Variants in KIAA1217 observed in about 807,000 individuals in gnomAD.
KIAA1217 encodes the protein sickle tail protein homolog.
In KIAA1217, 88 loss-of-function variants were observed where a neutral mutation model predicts 163.9. The ratio of observed to expected loss-of-function variants is 0.54; its 90% confidence interval spans 0.45 to 0.64. The LOEUF (loss-of-function observed/expected upper bound fraction) is 0.64. Among genes scored for constraint, KIAA1217 ranks in the 30% least tolerant of loss-of-function variants. The pLI, the probability that KIAA1217 is intolerant of heterozygous loss-of-function variation, is 0.00. For synonymous variants in KIAA1217, 903 were observed against 923.1 expected, an observed-to-expected ratio of 0.98 and a Z score of 0.39; for missense variants, 2,372 against 2,475.0, an observed-to-expected ratio of 0.96 and a Z score of 0.88.
Position 24,153,300 on chromosome 10 carries a change from A to G in KIAA1217, c.-170-66326A>G, listed in dbSNP as rs536857050. On this transcript the variant is annotated intron_variant, in intron 2 of 18. Coordinates refer to the KIAA1217 transcript ENST00000376462. ...AGGGTTAGTTTATACTTTTGAGGGT[A>G]AGAACACCACTTGTGGTTATGTCTG... Among the ~76,000 whole-genome samples the G allele has an allele frequency of 9.2e-5, 14 of 152,342 alleles. No individual in the cohort carries two copies. In the South Asian group the frequency reaches 2.7e-3, roughly 29 times the overall value.
At position 24,543,809 on chromosome 10, in the gene KIAA1217, C is replaced by G; in HGVS notation, c.4539C>G (p.Thr1513=). The G allele has an allele frequency of 6.2e-7, 1 of 1,613,834 alleles. No individual in the cohort carries two copies. ...HKKVAPGNLR[T]GQQVETKSQP... is the part of the protein sequence containing the mutation. ...AGGTGGCCCCAGGCAATCTTAGAAC[C>G]GGACAACAGGTGGAAACAAAGTCAC... The change falls in exon 19 of 21, where the codon ACC becomes ACG. Residue 1513 remains threonine (T), a synonymous_variant. Coordinates refer to ENST00000376454, the MANE Select transcript of KIAA1217 (RefSeq NM_019590.5).
rs542750812 is a variant in KIAA1217 at position 23,969,603 on chromosome 10, T to C, written c.-320-37622T>C. Among the ~76,000 whole-genome samples, 7 of 152,350 alleles carry C rather than the reference T, an allele frequency of 4.6e-5. No individual in the cohort carries two copies. In the South Asian group the frequency reaches 1.4e-3, roughly 32 times the overall value. On this transcript the variant is annotated intron_variant, in intron 1 of 18. Coordinates refer to the KIAA1217 transcript ENST00000376462. ...TTCTTTGGAGAAACGTCTATTCAGA[T>C]CTTTTGCTCATTTTTAATTGGTTAT...
At chr10:24,314,507 G>C (rs929322390) in intron 2 of KIAA1217, among the ~76,000 whole-genome samples, 1 of 152,124 alleles carries the variant, frequency 6.6e-6, no homozygotes, top group South Asian at 2.1e-4. Context: ...ATGTGCTCAC[G>C]CATGTTATAA....
intron 2 of KIAA1217, among the ~76,000 whole-genome samples, chr10:24,116,575 G>A (rs1415807003): frequency 2.6e-5 from 4 of 152,096 alleles, no homozygotes; most frequent in African/African-American, 9.7e-5. Context: ...TATAGGCAAT[G>A]GGCCTAATTT....
At chr10:24,162,948 T>G (rs907003553) in intron 2 of KIAA1217, among the ~76,000 whole-genome samples, 6 of 152,126 alleles carry the variant, frequency 3.9e-5, no homozygotes, top group African/African-American at 1.4e-4. Context: ...GAGGACATGA[T>G]CCAAGAGAAA....
chr10:23,912,467 T>C (rs1023370700), intron 1 of KIAA1217, among the ~76,000 whole-genome samples: 3 of 152,232 alleles, frequency 2.0e-5, no homozygotes. Context: ...GAGGTACTTT[T>C]TCAACCCTCA....
chr10:24,100,672 T>A (rs2062376709), intron 2 of KIAA1217, among the ~76,000 whole-genome samples: 1 of 152,224 alleles, frequency 6.6e-6, no homozygotes, highest in East Asian at 1.9e-4. Flanking sequence ...CAATAAATAT[T>A]ATCAACTTTT....
At chr10:23,927,112 G>T (rs1305177106) in intron 1 of KIAA1217, among the ~76,000 whole-genome samples, 1 of 151,904 alleles carries the variant, frequency 6.6e-6, no homozygotes, top group East Asian at 1.9e-4. Context: ...TTCTGATGTT[G>T]TCCAGGCTGA....
At chr10:23,782,100 G>A (rs1221130951) in intron 1 of KIAA1217, among the ~76,000 whole-genome samples, 1 of 151,956 alleles carries the variant, frequency 6.6e-6, no homozygotes, top group Non-Finnish European at 1.5e-5. Flanking sequence ...TTTTCATGAA[G>A]AATGCCATTG....
At chr10:23,811,952 G>A (rs1837080170) in intron 1 of KIAA1217, among the ~76,000 whole-genome samples, 1 of 152,172 alleles carries the variant, frequency 6.6e-6, no homozygotes, top group African/African-American at 2.4e-5. Context: ...TGACGGGGTA[G>A]TGCATGCCTA....
intron 2 of KIAA1217, among the ~76,000 whole-genome samples, chr10:24,082,606 T>C (rs1325491964): frequency 2.0e-5 from 3 of 152,246 alleles, no homozygotes; most frequent in Non-Finnish European, 4.4e-5. Flanking sequence ...TAGTATTCTA[T>C]GGTGTATATG....
At chr10:24,520,643 A>ATATATAT (rs1554926707) in intron 11 of KIAA1217, among the ~76,000 whole-genome samples, 32 of 88,118 alleles carry the variant, frequency 3.6e-4, no homozygotes, top group African/African-American at 1.6e-3. Context: ...AAAAAAAAAA[A>ATATATAT]AAAAAAAAAT....
At chr10:23,911,881 T>C (rs1842444842) in intron 1 of KIAA1217, among the ~76,000 whole-genome samples, 1 of 151,964 alleles carries the variant, frequency 6.6e-6, no homozygotes, top group African/African-American at 2.4e-5. Context: ...CTGGTATGAG[T>C]TGAGTTGTGA....
intron 2 of KIAA1217, among the ~76,000 whole-genome samples, chr10:24,151,620 A>C (rs188750062): frequency 1.3e-5 from 2 of 151,498 alleles, no homozygotes; most frequent in Admixed American, 1.3e-4. Flanking sequence ...CTGGAGAGAG[A>C]ATGCTCTCTT....
intron 1 of KIAA1217, among the ~76,000 whole-genome samples, chr10:23,952,501 TAAGTACC>T (rs1844384115): frequency 6.6e-6 from 1 of 152,220 alleles, no homozygotes; most frequent in Non-Finnish European, 1.5e-5. Context: ...CAGGCAATTC[TAAGTACC>T]TGAATGCTCA....
At chr10:23,908,341 T>C (rs2131263038) in intron 1 of KIAA1217, among the ~76,000 whole-genome samples, 1 of 152,254 alleles carries the variant, frequency 6.6e-6, no homozygotes, top group Middle Eastern at 3.4e-3. Flanking sequence ...GTCCTCCAGT[T>C]TCCAGGCTAA....
rs996411785 is a variant in KIAA1217 at position 23,856,839 on chromosome 10, G to A, written c.-320-150386G>A. 5.3e-5 allele frequency among the ~76,000 whole-genome samples: 8 copies of A among 152,344 alleles called. No homozygotes were observed. The East Asian group carries it at 1.4e-3, about 26-fold the overall frequency. ...CATGTGCGGGATATAATCTCCTGGT[G>A]CGCCTTTTTTTAAGCCCATCGGAAA... On this transcript the variant is annotated intron_variant, in intron 1 of 18. Coordinates refer to the KIAA1217 transcript ENST00000376462.
intron 1 of KIAA1217, among the ~76,000 whole-genome samples, chr10:23,885,821 C>A (rs1841146157): frequency 6.6e-6 from 1 of 151,918 alleles, no homozygotes; most frequent in African/African-American, 2.4e-5. Context: ...TCACAAAGAT[C>A]TTTGTGCTGC....
chr10:24,493,526 T>C (rs770606282), intron 6 of KIAA1217, among the ~76,000 whole-genome samples: 15 of 152,230 alleles, frequency 9.9e-5, no homozygotes, highest in Non-Finnish European at 1.8e-4. Context: ...GAAACGTCCA[T>C]TGTCTGAGGT....
Sources: gnomAD v4.1 joint callset for allele counts (sites outside exome capture counted in the v4.1 genomes callset) on GRCh38, gnomAD v4.1.1 for gene constraint, MANE v1.5 for transcripts, NCBI Gene and HGNC (gene_info 2026-07-23, HGNC 2026-07-21) for gene names.